The following LRMDA variants were observed in gnomAD, a reference collection of about 807,000 sequenced individuals.
LRMDA encodes leucine rich melanocyte differentiation associated, also known as leucine-rich melanocyte differentiation-associated protein.
In LRMDA, 18 loss-of-function variants were observed where a neutral mutation model predicts 29.8. The observed-to-expected ratio is 0.60, with a 90% CI of 0.42 to 0.90. LRMDA has a LOEUF of 0.90. Among genes scored for constraint, LRMDA ranks in the 40% least tolerant of loss-of-function variants. The pLI, the probability that LRMDA is intolerant of heterozygous loss-of-function variation, is 0.00. For synonymous variants in LRMDA, 125 were observed against 109.4 expected (o/e 1.14, Z -0.89); for missense variants, 273 against 273.9 (o/e 1.00, Z 0.02).
At chr10:75,781,110 C>T (rs573751351) in intron 2 of LRMDA, among the ~76,000 whole-genome samples, 5 of 152,344 alleles carry the variant, frequency 3.3e-5, no homozygotes, top group African/African-American at 1.2e-4. Flanking sequence ...GTAGCAGAAT[C>T]TTCCCTGATT....
intron 2 of LRMDA, among the ~76,000 whole-genome samples, chr10:75,854,639 A>G (rs914698205): frequency 6.6e-6 from 1 of 152,080 alleles, no homozygotes; most frequent in African/African-American, 2.4e-5. Context: ...ACATATGTAT[A>G]CATGTGCCAT....
chr10:76,486,441 G>A (rs1246620036), intron 6 of LRMDA, among the ~76,000 whole-genome samples: 1 of 151,842 alleles, frequency 6.6e-6, no homozygotes, highest in Non-Finnish European at 1.5e-5. Context: ...TTGGCTCTGT[G>A]CTGCACGTAC....
chr10:75,438,055 G>A (rs1457969013), intron 1 of LRMDA, among the ~76,000 whole-genome samples: 1 of 152,214 alleles, frequency 6.6e-6, no homozygotes, highest in Non-Finnish European at 1.5e-5. Flanking sequence ...TGTTGCAAAA[G>A]CCCCTGAGTG....
At chr10:75,750,134 G>A (rs1190569626) in intron 2 of LRMDA, among the ~76,000 whole-genome samples, 1 of 152,216 alleles carries the variant, frequency 6.6e-6, no homozygotes, top group Non-Finnish European at 1.5e-5. Flanking sequence ...TTCTCAATGA[G>A]CTGTTGGGTA....
intron 2 of LRMDA, among the ~76,000 whole-genome samples, chr10:75,516,263 C>A (rs1589166195): frequency 6.6e-6 from 1 of 152,144 alleles, no homozygotes; most frequent in African/African-American, 2.4e-5. Context: ...AGTTCTAGAT[C>A]CTTGAGGAAT....
At chr10:76,243,281 A>G (rs908691970) in intron 5 of LRMDA, among the ~76,000 whole-genome samples, 2 of 152,192 alleles carry the variant, frequency 1.3e-5, no homozygotes, top group African/African-American at 4.8e-5. Context: ...TTATAAAGAG[A>G]AATTATAATA....
chr10:75,901,625 C>T (rs548537737), intron 2 of LRMDA, among the ~76,000 whole-genome samples: 1 of 152,288 alleles, frequency 6.6e-6, no homozygotes, highest in Admixed American at 6.5e-5. Flanking sequence ...GAGATTACAT[C>T]TTGCACCAAG....
intron 2 of LRMDA, among the ~76,000 whole-genome samples, chr10:75,994,998 T>C (rs373972338): frequency 1.3e-5 from 2 of 152,226 alleles, no homozygotes; most frequent in Non-Finnish European, 2.9e-5. Context: ...TTTTGATCTT[T>C]CTTTATCTGG....
At chr10:76,225,829 A>T (rs1304172773) in intron 5 of LRMDA, among the ~76,000 whole-genome samples, 1 of 150,878 alleles carries the variant, frequency 6.6e-6, no homozygotes, top group Non-Finnish European at 1.5e-5. Context: ...TGCACCCATT[A>T]ACTGGTCATT....
intron 5 of LRMDA, among the ~76,000 whole-genome samples, chr10:76,319,911 G>A (rs1162423304): frequency 6.6e-6 from 1 of 152,136 alleles, no homozygotes; most frequent in East Asian, 1.9e-4. Context: ...GAGATTTATG[G>A]CTATTAAACA....
intron 2 of LRMDA, among the ~76,000 whole-genome samples, chr10:75,906,902 C>T (rs112508370): frequency 1.2e-3 from 186 of 152,246 alleles, no homozygotes; most frequent in Non-Finnish European, 2.2e-3. Context: ...ATTGAGACAC[C>T]GGGGCTAGGT....
chr10:75,721,471 T>C (rs1842566170), intron 2 of LRMDA, among the ~76,000 whole-genome samples: 1 of 152,184 alleles, frequency 6.6e-6, no homozygotes, highest in African/African-American at 2.4e-5. Context: ...ATATTAAGAT[T>C]TGGGGTTTCA....
chr10:76,182,789 A>C (rs930551724), intron 5 of LRMDA, among the ~76,000 whole-genome samples: 1 of 152,192 alleles, frequency 6.6e-6, no homozygotes, highest in Non-Finnish European at 1.5e-5. Context: ...CTAAATGAAG[A>C]GTTTGCTACA....
chr10:76,293,952 T>C (rs1426468959), intron 5 of LRMDA, among the ~76,000 whole-genome samples: 1 of 152,244 alleles, frequency 6.6e-6, no homozygotes, highest in Non-Finnish European at 1.5e-5. Context: ...GTAGCCATTC[T>C]TTAGCCACAG....
At chr10:75,933,476 G>T (rs2132402575) in intron 2 of LRMDA, among the ~76,000 whole-genome samples, 1 of 152,334 alleles carries the variant, frequency 6.6e-6, no homozygotes, top group Non-Finnish European at 1.5e-5. Context: ...CCTGGTCCTT[G>T]TTAAGAGCAG....
intron 2 of LRMDA, among the ~76,000 whole-genome samples, chr10:75,970,675 T>C (rs547596743): frequency 6.6e-6 from 1 of 152,298 alleles, no homozygotes; most frequent in East Asian, 1.9e-4. Flanking sequence ...CTGGGAAACT[T>C]GTTGAAGAGC....
chr10:76,283,153 A>G (rs1391551605), intron 5 of LRMDA, among the ~76,000 whole-genome samples: 1 of 152,200 alleles, frequency 6.6e-6, no homozygotes, highest in Non-Finnish European at 1.5e-5. Flanking sequence ...GTGTTTCCCC[A>G]CAGATCTGGG....
At chr10:76,441,428 G>T (rs1842301440) in intron 6 of LRMDA, among the ~76,000 whole-genome samples, 1 of 152,164 alleles carries the variant, frequency 6.6e-6, no homozygotes, top group Admixed American at 6.5e-5. Flanking sequence ...TATGTCATCT[G>T]TAAAATGGGG....
At chr10:76,383,246 C>T (rs1388502515) in intron 6 of LRMDA, among the ~76,000 whole-genome samples, 1 of 152,084 alleles carries the variant, frequency 6.6e-6, no homozygotes, top group Non-Finnish European at 1.5e-5. Flanking sequence ...GTAACAGGCA[C>T]CTGCCAATGC....
Sources: allele counts gnomAD v4.1 joint callset (sites outside exome capture counted in the v4.1 genomes callset), GRCh38; gene constraint gnomAD v4.1.1; transcripts MANE v1.5; gene names NCBI Gene and HGNC (gene_info 2026-07-23, HGNC 2026-07-21).